The following ZFP64 variants were observed in gnomAD, a reference collection of about 807,000 sequenced individuals.
ZFP64 encodes the protein ZFP64 zinc finger protein.
In ZFP64, 14 loss-of-function variants were observed where a neutral mutation model predicts 51.6. That is an observed-to-expected ratio of 0.27 (90% confidence interval 0.18 to 0.42). ZFP64 has a LOEUF of 0.42. Ranked by LOEUF, ZFP64 falls within the 10% of genes least tolerant of loss-of-function variation. The probability of loss-of-function intolerance (pLI) is 1.00; values close to 1 mark genes in which losing one functional copy is unlikely to be tolerated. For synonymous variants in ZFP64, 375 were observed against 361.4 expected (o/e 1.04, Z -0.43); for missense variants, 754 against 906.8 (o/e 0.83, Z 2.16).
intron 5 of ZFP64, among the ~76,000 whole-genome samples, chr20:52,128,416 G>A (rs1979549492): frequency 6.6e-6 from 1 of 152,174 alleles, no homozygotes; most frequent in Non-Finnish European, 1.5e-5. Context: ...TTCTGTAGCT[G>A]GAGAAAGGAC....
Position 52,160,059 on chromosome 20 carries a change from G to C in ZFP64, c.763+64C>G, listed in dbSNP as rs1981648047. ...CTTACATTGTGGCTGAATGCTTTAA[G>C]GTGCTTATGATTTATGCCATAGAAA... On this transcript the variant is annotated intron_variant, in intron 5 of 5. Coordinates refer to ENST00000216923, the MANE Select transcript of ZFP64 (RefSeq NM_018197.3). This position sits in a 1 kb window ranked among gnomAD's most constrained non-coding sequence, Gnocchi z 4.2. The C allele has an allele frequency of 1.2e-6, 2 of 1,608,606 alleles. No homozygotes were observed. The highest frequency in any genetic ancestry group is 2.2e-5 in the East Asian group (1 of 44,842).
At chr20:52,170,455 G>GA (rs1204256622) in intron 2 of ZFP64, among the ~76,000 whole-genome samples, 8 of 149,450 alleles carry the variant, frequency 5.4e-5, no homozygotes, top group South Asian at 2.1e-4. Flanking sequence ...CCATCTCAAG[G>GA]AAAAAAAAAC....
chr20:52,098,599 G>C (rs200097283), intron 5 of ZFP64: 86 of 1,613,820 alleles, frequency 5.3e-5, no homozygotes, highest in Non-Finnish European at 6.9e-5. Flanking sequence ...TGAAATTGAG[G>C]CATAGTTTTG....
intron 2 of ZFP64, 24 bp downstream of exon 2, chr20:52,186,808 G>T (rs377553711): frequency 6.3e-7 from 1 of 1,583,470 alleles, no homozygotes; most frequent in African/African-American, 1.3e-5. Flanking sequence ...AATTCTGGCC[G>T]ACTCCCCCAT....
In ZFP64 at chr20:52,176,188, G is replaced by C. The variant is rs369108176; in HGVS notation, c.287-10163C>G. ...CCAGACTGAGGTGGGAGCATCTCTG[G>C]AGCCCAAGAGTCCGAGTCCAACCTG... On this transcript the variant is annotated intron_variant, in intron 2 of 5. Coordinates refer to ENST00000216923, the MANE Select transcript of ZFP64 (RefSeq NM_018197.3). 2.2e-4 allele frequency among the ~76,000 whole-genome samples: 34 copies of C among 152,112 alleles called. 1 individual carries two copies. The highest frequency in any genetic ancestry group is 1.0e-3 in the Admixed American group (16 of 15,290).
chr20:52,112,429 G>A (rs1978642847), intron 5 of ZFP64, among the ~76,000 whole-genome samples: 1 of 152,160 alleles, frequency 6.6e-6, no homozygotes, highest in South Asian at 2.1e-4. Flanking sequence ...AAGCATGTGT[G>A]ACCTTACTCA....
intron 2 of ZFP64, among the ~76,000 whole-genome samples, chr20:52,173,186 T>C (rs1195243158): frequency 1.3e-5 from 2 of 152,180 alleles, no homozygotes; most frequent in Non-Finnish European, 1.5e-5. Flanking sequence ...ACTTAAAAAT[T>C]CCATTTAACA....
At chr20:52,136,207 G>A (rs922674040) in intron 5 of ZFP64, among the ~76,000 whole-genome samples, 10 of 151,570 alleles carry the variant, frequency 6.6e-5, no homozygotes, top group African/African-American at 2.2e-4. Flanking sequence ...TAACTTCTAG[G>A]CATACCTTTT....
chr20:52,102,300 G>A (rs1055180952), intron 5 of ZFP64, among the ~76,000 whole-genome samples: 16 of 152,078 alleles, frequency 1.1e-4, no homozygotes, highest in Non-Finnish European at 2.2e-4. Context: ...AAACACAGGT[G>A]GCAGGGGCTC....
chr20:52,150,689 A>G (rs1568677870), downstream of ZFP64, among the ~76,000 whole-genome samples: 1 of 152,238 alleles, frequency 6.6e-6, no homozygotes, highest in Non-Finnish European at 1.5e-5. Context: ...AAATGTATCT[A>G]AGTATTCTCA....
At chr20:52,149,731 G>C (rs1376644907), downstream of ZFP64, among the ~76,000 whole-genome samples, 1 of 152,114 alleles carries the variant, frequency 6.6e-6, no homozygotes, top group Non-Finnish European at 1.5e-5. Flanking sequence ...AAATATGCAT[G>C]TGTGTACATC....
At chr20:52,165,260 G>C (rs1568691113) in intron 3 of ZFP64, 6 of 456,274 alleles carry the variant, frequency 1.3e-5, no homozygotes, top group Middle Eastern at 3.3e-4. Context: ...TTAATTTTCT[G>C]ATCTTGATGA....
rs532577831 is a variant in ZFP64 at position 52,111,232 on chromosome 20, G to A, written c.764-12645C>T. ...TTTTTTTTTTTTTTTTTGAGACGGA[G>A]TTTCGCTCTGAGTTTTGCTCGTTGC... On this transcript the variant is annotated intron_variant, in intron 5 of 8. Coordinates refer to the ZFP64 transcript ENST00000361387. Among the ~76,000 whole-genome samples, 264 of 126,882 alleles carry A rather than the reference G, an allele frequency of 2.1e-3. 1 individual carries two copies. Among genetic ancestry groups the A allele is most frequent in the South Asian group, 3.6e-3 (14 of 3,926 alleles). 83.2% of individuals were successfully genotyped at this position (126,882 alleles called of 152,430 possible).
rs190971551 is a variant in ZFP64, at chr20:52,170,223, G to A, written c.287-4198C>T. On this transcript the variant is annotated intron_variant, in intron 2 of 5. Coordinates refer to ENST00000216923, the MANE Select transcript of ZFP64 (RefSeq NM_018197.3). ...TCCCAGCACTTTGGGAGCCTGAGGT[G>A]GGCGGATCATTTGAGGTCAGGAGTT... is the stretch of plus-strand genomic sequence containing the variant. Among the ~76,000 whole-genome samples the A allele has an allele frequency of 4.5e-3, 676 of 151,880 alleles. 10 individuals are homozygous for A. Among genetic ancestry groups the A allele is most frequent in the African/African-American group, 0.015 (640 of 41,452 alleles).
In ZFP64 at chr20:52,160,113, C is replaced by G. The variant is rs368102980; in HGVS notation, c.763+10G>C. 1.9e-6 allele frequency: 3 copies of G among 1,614,076 alleles called. No individual in the cohort carries two copies. In the African/African-American group the frequency reaches 4.0e-5, roughly 22 times the overall value. ...AGGAGCGTAGAGAGCAAATAACAGG[C>G]AGGACTCACCCGTGTGGGATCGCAG... On this transcript the variant is annotated intron_variant, in intron 5 of 5. Transcript: ENST00000216923. This position sits in a 1 kb window ranked among gnomAD's most constrained non-coding sequence, Gnocchi z 4.2.
rs981917918 is a variant in ZFP64 at position 52,160,874 on chromosome 20, T to C, written c.512-500A>G. ...CAAAGCGATGGCAGAGAAAGTAAAGTGTGTCTCTTTCACAAGAGGAAACGG... is the reference window on the plus strand; with the variant it reads ...CAAAGCGATGGCAGAGAAAGTAAAGCGTGTCTCTTTCACAAGAGGAAACGG... On this transcript the variant is annotated intron_variant, in intron 4 of 5. Coordinates refer to ENST00000216923, the MANE Select transcript of ZFP64 (RefSeq NM_018197.3). This position sits in a 1 kb window ranked among gnomAD's most constrained non-coding sequence, Gnocchi z 4.2. 4.6e-5 allele frequency among the ~76,000 whole-genome samples: 7 copies of C among 152,162 alleles called. No homozygotes were observed. The highest frequency in any genetic ancestry group is 4.6e-4 in the Admixed American group (7 of 15,274).
In ZFP64 at chr20:52,152,399, G is replaced by T; in HGVS notation, c.1793C>A (p.Ser598Tyr). ...PTASGGPQEG[S>Y]GNQTFITSSG... ...ACTGGTAATGAAAGTTTGATTGCCA[G>T]AGCCTTCCTGGGGGCCACCTGAGGC... is the stretch of plus-strand genomic sequence containing the variant. The change falls in exon 6 of 6, where the codon TCT (serine) becomes TAT (tyrosine). Residue 598 changes from serine to tyrosine, a missense_variant. This residue lies in a region of ZFP64 where 428 missense variants were observed against 472.4 expected (regional missense o/e 0.91). Transcript: ENST00000216923. 2 of 1,614,236 alleles carry T rather than the reference G, an allele frequency of 1.2e-6. No homozygotes were observed. The highest frequency in any genetic ancestry group is 1.7e-6 in the Non-Finnish European group (2 of 1,180,050).
chr20:52,153,532 C>A lies in ZFP64; in HGVS notation c.764-104G>T. On this transcript the variant is annotated intron_variant, in intron 5 of 5. Coordinates refer to ENST00000216923, the MANE Select transcript of ZFP64 (RefSeq NM_018197.3). The surrounding 1 kb of genome is among the most constrained non-coding windows in gnomAD (Gnocchi z 5.1). Reference sequence around the variant, plus strand: ...ATCGCTTATACAAGGTGGGTGGGTGCAGACCTCCTAACTGCAGCTTCTAGC... The same window carrying A: ...ATCGCTTATACAAGGTGGGTGGGTGAAGACCTCCTAACTGCAGCTTCTAGC... 1 of 1,453,962 alleles carries A rather than the reference C, an allele frequency of 6.9e-7. No homozygotes were observed. The highest frequency in any genetic ancestry group is 1.4e-5 in the South Asian group (1 of 70,144). 90.1% of individuals were successfully genotyped at this position (1,453,962 alleles called of 1,614,324 possible).
chr20:52,153,418 G>C lies in ZFP64; in HGVS notation c.774C>G (p.Pro258=). Residue 258 remains proline, a synonymous_variant, in exon 6 of 6, where the codon CCC becomes CCG. Transcript: ENST00000216923. This position sits in a 1 kb window ranked among gnomAD's most constrained non-coding sequence, Gnocchi z 5.1. Reference sequence around the variant, plus strand: ...TGGCGCTACAGAGCCAGCACTGGAAGGGGGCGTCCCCTGTCAACACAAGGT... The same window carrying C: ...TGGCGCTACAGAGCCAGCACTGGAACGGGGCGTCCCCTGTCAACACAAGGT... ...VHLRSHTGDA[P]FQCWLCSAKF... 1.9e-6 allele frequency: 3 copies of C among 1,613,458 alleles called. No individual in the cohort carries two copies. Among genetic ancestry groups the C allele is most frequent in the Non-Finnish European group, 2.5e-6 (3 of 1,179,516 alleles).
Sources: gnomAD v4.1 joint callset for allele counts (sites outside exome capture counted in the v4.1 genomes callset) on GRCh38, gnomAD v4.1.1 for gene constraint, gnomAD v4.1.1 regional missense constraint, Gnocchi (gnomAD v3.1) non-coding constraint, MANE v1.5 for transcripts, NCBI Gene and HGNC (gene_info 2026-07-23, HGNC 2026-07-21) for gene names.